Variants in SGCZ observed in about 807,000 individuals in gnomAD.
SGCZ encodes the protein sarcoglycan zeta.
SGCZ carries 40 observed loss-of-function variants against 41.3 expected under a neutral mutation model. That is an observed-to-expected ratio of 0.97 (90% confidence interval 0.75 to 1.26). SGCZ has a LOEUF of 1.26. SGCZ is among the 50% of genes most tolerant of loss of function. The pLI, the probability that SGCZ is intolerant of heterozygous loss-of-function variation, is 0.00. For missense variants in SGCZ, 552 were observed against 369.8 expected (o/e 1.49, Z -4.04); for synonymous variants, 206 against 137.5 (o/e 1.50, Z -3.49).
At chr8:14,705,975 T>C (rs1268132968) in intron 1 of SGCZ, among the ~76,000 whole-genome samples, 1 of 151,984 alleles carries the variant, frequency 6.6e-6, no homozygotes, top group Non-Finnish European at 1.5e-5. Context: ...ATTTGTTGAA[T>C]GAATAGCTTA....
At chr8:14,733,173 C>T (rs529409548) in intron 1 of SGCZ, among the ~76,000 whole-genome samples, 5 of 152,108 alleles carry the variant, frequency 3.3e-5, no homozygotes, top group Non-Finnish European at 7.4e-5. Context: ...AGCCACTGCC[C>T]ACCTTCCCTA....
intron 3 of SGCZ, among the ~76,000 whole-genome samples, chr8:14,290,482 C>A (rs955124219): frequency 2.0e-4 from 30 of 151,960 alleles, no homozygotes; most frequent in African/African-American, 6.5e-4. Context: ...ACTCAAACAA[C>A]TCAATAACAA....
At chr8:14,249,684 T>C (rs1205731729) in intron 3 of SGCZ, among the ~76,000 whole-genome samples, 2 of 152,166 alleles carry the variant, frequency 1.3e-5, no homozygotes, top group African/African-American at 4.8e-5. Context: ...CTATAGTCAT[T>C]ACTTTGAAGA....
In SGCZ at chr8:14,296,589, T is replaced by A. The variant is rs555471123; in HGVS notation, c.336+27514A>T. 1.2e-4 allele frequency among the ~76,000 whole-genome samples: 19 copies of A among 152,230 alleles called. No homozygotes were observed. The East Asian group carries it at 3.1e-3, about 25-fold the overall frequency. ...ATAATATATGAAGTTTAGAAAGGTG[T>A]AAAACTATACTATTGGAAGGTTCGT... On this transcript the variant is annotated intron_variant, in intron 3 of 7. Coordinates refer to ENST00000382080, the MANE Select transcript of SGCZ (RefSeq NM_139167.4).
intron 1 of SGCZ, among the ~76,000 whole-genome samples, chr8:14,708,099 TTAA>T (rs1809389028): frequency 6.6e-6 from 1 of 152,056 alleles, no homozygotes; most frequent in Admixed American, 6.6e-5. Context: ...TAATTTCAAG[TTAA>T]TTTTTCTATA....
chr8:14,139,886 A>G (rs11780908), intron 5 of SGCZ, among the ~76,000 whole-genome samples: 2 of 152,024 alleles, frequency 1.3e-5, no homozygotes, highest in African/African-American at 4.8e-5. Flanking sequence ...CAACAAAAAA[A>G]CAGAATTTTA....
At chr8:14,689,973 T>A (rs1338486573) in intron 1 of SGCZ, among the ~76,000 whole-genome samples, 1 of 152,144 alleles carries the variant, frequency 6.6e-6, no homozygotes. Flanking sequence ...TCACAAAGAA[T>A]AAGGTTAGAA....
chr8:15,176,078 G>A (rs1298710554), intron 1 of SGCZ, among the ~76,000 whole-genome samples: 1 of 152,154 alleles, frequency 6.6e-6, no homozygotes, highest in Non-Finnish European at 1.5e-5. Flanking sequence ...AAAGTGTTAA[G>A]TTTAACATTT....
chr8:14,912,106 C>G (rs1799296203), intron 1 of SGCZ, among the ~76,000 whole-genome samples: 1 of 151,882 alleles, frequency 6.6e-6, no homozygotes, highest in Non-Finnish European at 1.5e-5. Flanking sequence ...ACGTAAGCAC[C>G]AACACCCAAT....
In SGCZ at chr8:14,753,823, G is replaced by C. The variant is rs533745551; in HGVS notation, c.40-198897C>G. Among the ~76,000 whole-genome samples, 7 of 152,236 alleles carry C rather than the reference G, an allele frequency of 4.6e-5. No individual in the cohort carries two copies. In the South Asian group the frequency reaches 1.0e-3, roughly 23 times the overall value. ...TATTATTCTGGATGGAGAAGCCCAG[G>C]GTGGACAACTTTCACTAGCTGCAAT... On this transcript the variant is annotated intron_variant, in intron 1 of 7. Coordinates refer to ENST00000382080, the MANE Select transcript of SGCZ (RefSeq NM_139167.4).
chr8:14,440,187 A>T (rs574495754), intron 2 of SGCZ, among the ~76,000 whole-genome samples: 2 of 152,180 alleles, frequency 1.3e-5, no homozygotes, highest in East Asian at 1.9e-4. Flanking sequence ...AGAATTTTTT[A>T]AAATTTTTTG....
At chr8:15,145,884 C>G (rs568745026) in intron 1 of SGCZ, among the ~76,000 whole-genome samples, 2 of 152,118 alleles carry the variant, frequency 1.3e-5, no homozygotes, top group Non-Finnish European at 2.9e-5. Context: ...ATATTTATCT[C>G]CTCTGCCTCC....
chr8:14,430,458 C>T (rs1799912664), intron 2 of SGCZ, among the ~76,000 whole-genome samples: 1 of 152,126 alleles, frequency 6.6e-6, no homozygotes, highest in Admixed American at 6.6e-5. Flanking sequence ...ATGATCATGT[C>T]ATCAGATGCA....
chr8:15,142,199 T>A (rs1798908030), intron 1 of SGCZ, among the ~76,000 whole-genome samples: 1 of 152,104 alleles, frequency 6.6e-6, no homozygotes, highest in African/African-American at 2.4e-5. Context: ...AGGGAGCAGA[T>A]GGGTTTTAGG....
intron 1 of SGCZ, among the ~76,000 whole-genome samples, chr8:14,971,916 A>G (rs1276033396): frequency 1.3e-5 from 2 of 151,832 alleles, no homozygotes; most frequent in Non-Finnish European, 2.9e-5. Flanking sequence ...CCATGATTTT[A>G]TATACTTTTG....
chr8:14,917,360 A>G (rs1799466337), intron 1 of SGCZ, among the ~76,000 whole-genome samples: 1 of 152,100 alleles, frequency 6.6e-6, no homozygotes, highest in African/African-American at 2.4e-5. Flanking sequence ...ATTTATTCAT[A>G]TCGTAACTTT....
intron 2 of SGCZ, among the ~76,000 whole-genome samples, chr8:14,325,719 T>TACACAC (rs371412533): frequency 5.4e-4 from 47 of 87,808 alleles, no homozygotes; most frequent in Non-Finnish European, 9.4e-4. Context: ...CATATCTGTA[T>TACACAC]ACACACACAC....
intron 1 of SGCZ, among the ~76,000 whole-genome samples, chr8:14,824,351 T>A (rs1209071979): frequency 6.6e-6 from 1 of 152,128 alleles, no homozygotes; most frequent in African/African-American, 2.4e-5. Context: ...AAGAATCAAA[T>A]TATACTCCAT....
chr8:14,540,563 T>C lies in SGCZ; in HGVS notation c.234+14169A>G, dbSNP rs149725051. Among the ~76,000 whole-genome samples the C allele has an allele frequency of 7.2e-3, 1,089 of 152,024 alleles. 15 individuals are homozygous for C. The highest frequency in any genetic ancestry group is 0.025 in the African/African-American group (1,022 of 41,538). ...TTTCAATGGCTTTATTTCTGTCTTA[T>C]TTATTTAAATTTTCTCCAAAAATAG... On this transcript the variant is annotated intron_variant, in intron 2 of 7. Transcript: ENST00000382080.
Sources: gnomAD v4.1 joint callset for allele counts (sites outside exome capture counted in the v4.1 genomes callset) on GRCh38, gnomAD v4.1.1 for gene constraint, MANE v1.5 for transcripts, NCBI Gene and HGNC (gene_info 2026-07-23, HGNC 2026-07-21) for gene names.